The following FAM135A variants were observed in gnomAD, a reference collection of about 807,000 sequenced individuals.
FAM135A encodes family with sequence similarity 135 member A, also known as protein FAM135A.
Under a neutral mutation model 146.8 loss-of-function variants are expected in FAM135A, and 79 were observed. The observed-to-expected ratio is 0.54, with a 90% CI of 0.45 to 0.65. The LOEUF is 0.65. Among genes scored for constraint, FAM135A ranks in the 30% least tolerant of loss-of-function variants. FAM135A has a pLI of 0.00. For missense variants in FAM135A, 1,623 were observed against 1,758.2 expected, an observed-to-expected ratio of 0.92 and a Z score of 1.38; for synonymous variants, 562 against 603.6, an observed-to-expected ratio of 0.93 and a Z score of 1.01.
rs1378727754 is a variant in FAM135A at position 70,524,070 on chromosome 6, A to C, written c.1207A>C (p.Asn403His). Reference sequence around the variant, plus strand: ...ATGTAGTGAATTAGATGGAGATCTCAATTCATTACCTATAATCTTTGAAGA... The same window carrying C: ...ATGTAGTGAATTAGATGGAGATCTCCATTCATTACCTATAATCTTTGAAGA... The part of the protein sequence containing the change: ...IECSELDGDL[N>H]SLPIIFEDRY... The change falls in exon 14 of 22, where the codon AAT becomes CAT. Residue 403 changes from asparagine to histidine, a missense_variant. This residue lies in a region of FAM135A where 1,061 missense variants were observed against 1,113.8 expected (regional missense o/e 0.95). Transcript: ENST00000418814. The C allele has an allele frequency of 6.2e-7, 1 of 1,612,716 alleles. No individual in the cohort carries two copies. The highest frequency in any genetic ancestry group is 8.5e-7 in the Non-Finnish European group (1 of 1,179,228).
At chr6:70,447,583 C>T (rs1003573786) in intron 4 of FAM135A, among the ~76,000 whole-genome samples, 6 of 152,082 alleles carry the variant, frequency 3.9e-5, no homozygotes, top group African/African-American at 1.2e-4. Flanking sequence ...CCGGCTGTGG[C>T]GGGGGACAGA....
chr6:70,434,906 C>T (rs562144182), intron 4 of FAM135A, among the ~76,000 whole-genome samples: 1 of 152,074 alleles, frequency 6.6e-6, no homozygotes, highest in African/African-American at 2.4e-5. Flanking sequence ...ATCTGGATTA[C>T]TGTAGAACAG....
chr6:70,531,011 G>A (rs1352429044), intron 16 of FAM135A, among the ~76,000 whole-genome samples: 1 of 152,112 alleles, frequency 6.6e-6, no homozygotes, highest in Non-Finnish European at 1.5e-5. Flanking sequence ...AGTAGTCAGA[G>A]GAACCAAATC....
At chr6:70,464,206 T>G in intron 5 of FAM135A, among the ~76,000 whole-genome samples, 1 of 152,176 alleles carries the variant, frequency 6.6e-6, no homozygotes, top group East Asian at 1.9e-4. Flanking sequence ...AAATATAAAT[T>G]ATCATGATTG....
At chr6:70,509,595 T>C (rs375995264) in intron 12 of FAM135A, among the ~76,000 whole-genome samples, 1 of 152,216 alleles carries the variant, frequency 6.6e-6, no homozygotes, top group African/African-American at 2.4e-5. Flanking sequence ...TATTTTTACT[T>C]AATAAACGTG....
At chr6:70,429,900 A>AT (rs1202599426) in intron 4 of FAM135A, among the ~76,000 whole-genome samples, 73 of 144,760 alleles carry the variant, frequency 5.0e-4, no homozygotes, top group Admixed American at 1.2e-3. Context: ...GAGATTCTCT[A>AT]TTTTTTTTTT....
chr6:70,502,594 A>C, intron 11 of FAM135A, 42 bp from the exon 12 acceptor site: 1 of 1,576,796 alleles, frequency 6.3e-7, no homozygotes, highest in South Asian at 1.2e-5. Context: ...ATGTTACATT[A>C]AATCTTGGGA....
At chr6:70,444,704 T>C (rs1775318296) in intron 4 of FAM135A, among the ~76,000 whole-genome samples, 1 of 152,212 alleles carries the variant, frequency 6.6e-6, no homozygotes, top group Admixed American at 6.5e-5. Flanking sequence ...TTTAAAATAA[T>C]GTGTATATTT....
At chr6:70,485,050 A>G (rs1243561323) in intron 10 of FAM135A, among the ~76,000 whole-genome samples, 1 of 152,212 alleles carries the variant, frequency 6.6e-6, no homozygotes, top group Non-Finnish European at 1.5e-5. Context: ...ATTTGCTTAA[A>G]ATATTTTATC....
At chr6:70,504,379 A>G (rs903574430) in intron 12 of FAM135A, 2 of 151,998 alleles carry the variant, frequency 1.3e-5, no homozygotes, top group Admixed American at 6.6e-5. Flanking sequence ...TTACTAATAG[A>G]TCCTCTCTCA....
chr6:70,480,944 C>T lies in FAM135A; in HGVS notation c.586C>T (p.Pro196Ser). 6.2e-7 allele frequency: 1 copy of T among 1,612,646 alleles called. No individual in the cohort carries two copies. Among genetic ancestry groups the T allele is most frequent in the Non-Finnish European group, 8.5e-7 (1 of 1,179,272 alleles). ...GACAACTTGGTTAAATAGAAATGCA[C>T]CAGCACAAAACAAAGATTCCGTGAT... ...VKTTWLNRNAPAQNKDSVIPT... is the reference protein window; with the variant it reads ...VKTTWLNRNASAQNKDSVIPT... The change falls in exon 9 of 22, where the codon CCA becomes TCA. Residue 196 changes from proline (P) to serine (S), a missense_variant. Pro to Ser is a moderately conservative substitution (Grantham distance 74, BLOSUM62 -1). Coordinates refer to ENST00000418814, the MANE Select transcript of FAM135A (RefSeq NM_001162529.3).
chr6:70,482,921 ATTG>A (rs1369224821), intron 10 of FAM135A, among the ~76,000 whole-genome samples: 3 of 141,776 alleles, frequency 2.1e-5, no homozygotes, highest in Non-Finnish European at 4.8e-5. Context: ...TTTAGAATAT[ATTG>A]TTTTATAAGT....
At chr6:70,522,080 C>G (rs1421973297) in intron 12 of FAM135A, among the ~76,000 whole-genome samples, 3 of 152,122 alleles carry the variant, frequency 2.0e-5, no homozygotes, top group Admixed American at 6.5e-5. Context: ...CCATGCCCCA[C>G]TAATTTTTGT....
intron 2 of FAM135A, among the ~76,000 whole-genome samples, chr6:70,417,259 C>CTT (rs746838449): frequency 4.2e-5 from 6 of 141,220 alleles, no homozygotes; most frequent in East Asian, 2.0e-4. Flanking sequence ...TAGACTGGGA[C>CTT]TTTTTTTTTT....
At chr6:70,430,349 A>C (rs1206627289) in intron 4 of FAM135A, among the ~76,000 whole-genome samples, 1 of 151,302 alleles carries the variant, frequency 6.6e-6, no homozygotes, top group Non-Finnish European at 1.5e-5. Context: ...AAAAAAAACA[A>C]AAAAAGAAAG....
In FAM135A at chr6:70,476,960, A is replaced by G. The variant is rs186857834; in HGVS notation, c.369-199A>G. 5.3e-5 allele frequency among the ~76,000 whole-genome samples: 8 copies of G among 152,260 alleles called. No individual in the cohort carries two copies. In the East Asian group the frequency reaches 1.5e-3, roughly 29 times the overall value. ...ATATCATGGACTGATAGAAAACAATAATAGGTGGGATCTGATTATTTTCTC... is the reference window on the plus strand; with the variant it reads ...ATATCATGGACTGATAGAAAACAATGATAGGTGGGATCTGATTATTTTCTC... On this transcript the variant is annotated intron_variant, in intron 7 of 21. Coordinates refer to ENST00000418814, the MANE Select transcript of FAM135A (RefSeq NM_001162529.3).
At chr6:70,474,266 T>C (rs1486905629) in intron 5 of FAM135A, among the ~76,000 whole-genome samples, 2 of 138,796 alleles carry the variant, frequency 1.4e-5, no homozygotes, top group African/African-American at 6.2e-5. Context: ...TAGTTTCTTT[T>C]TCTTTTTCTT....
chr6:70,536,774 A>G (rs1796866668), intron 19 of FAM135A, among the ~76,000 whole-genome samples: 1 of 152,146 alleles, frequency 6.6e-6, no homozygotes, highest in Admixed American at 6.5e-5. Context: ...ATAACATTTT[A>G]TATAGAATAT....
chr6:70,497,877 A>T lies in FAM135A; in HGVS notation c.874-4759A>T, dbSNP rs141744729. ...GATGTGCTGCTGGATTAGGTTTGCC[A>T]GTATTTTATTGAGGATTTTCTCATT... On this transcript the variant is annotated intron_variant, in intron 11 of 21. Transcript: ENST00000418814. Among the ~76,000 whole-genome samples, 43 of 152,348 alleles carry T rather than the reference A, an allele frequency of 2.8e-4. No individual in the cohort carries two copies. The East Asian group carries it at 8.3e-3, about 29-fold the overall frequency.
Sources: allele counts gnomAD v4.1 joint callset (sites outside exome capture counted in the v4.1 genomes callset), GRCh38; gene constraint gnomAD v4.1.1; regional missense constraint gnomAD v4.1.1; transcripts MANE v1.5; gene names NCBI Gene and HGNC (gene_info 2026-07-23, HGNC 2026-07-21).